PDGFD: variants seen among roughly 807,000 people sequenced by gnomAD.
The protein encoded by PDGFD is platelet derived growth factor D.
Under a neutral mutation model 44.7 loss-of-function variants are expected in PDGFD, and 30 were observed. The ratio of observed to expected loss-of-function variants is 0.67; its 90% CI spans 0.50 to 0.91. The LOEUF is 0.91. Among genes scored for constraint, PDGFD ranks in the 40% least tolerant of loss-of-function variants. The probability of loss-of-function intolerance (pLI) is 0.00; values close to 1 mark genes in which losing one functional copy is unlikely to be tolerated. For synonymous variants in PDGFD, 173 were observed against 168.4 expected (o/e 1.03, Z -0.21); for missense variants, 445 against 457.8 (o/e 0.97, Z 0.25).
At chr11:104,117,257 A>T (rs138871615) in intron 1 of PDGFD, among the ~76,000 whole-genome samples, 2 of 152,194 alleles carry the variant, frequency 1.3e-5, no homozygotes, top group Non-Finnish European at 2.9e-5. Context: ...TATTTATGAC[A>T]AACCCACAGT....
chr11:103,937,527 GT>G (rs886261546), intron 5 of PDGFD, among the ~76,000 whole-genome samples: 5 of 151,724 alleles, frequency 3.3e-5, no homozygotes, highest in Admixed American at 1.3e-4. Flanking sequence ...ATAGGTATAT[GT>G]TTTTTCTGTT....
intron 3 of PDGFD, among the ~76,000 whole-genome samples, chr11:103,957,253 A>G (rs1858865322): frequency 6.6e-6 from 1 of 152,152 alleles, no homozygotes; most frequent in Non-Finnish European, 1.5e-5. Flanking sequence ...TAAGGAAGGG[A>G]TCCAGTTGAA....
chr11:103,999,631 T>A (rs879658853), intron 2 of PDGFD, among the ~76,000 whole-genome samples: 1 of 152,174 alleles, frequency 6.6e-6, no homozygotes, highest in African/African-American at 2.4e-5. Flanking sequence ...TAATTCATTA[T>A]GGGTAGGAAG....
At chr11:104,149,496 A>G (rs1317369761) in intron 1 of PDGFD, among the ~76,000 whole-genome samples, 1 of 152,204 alleles carries the variant, frequency 6.6e-6, no homozygotes, top group East Asian at 1.9e-4. Flanking sequence ...CAGTGTTAGT[A>G]GTGGTAGGTT....
At chr11:104,125,589 T>C (rs1861831141) in intron 1 of PDGFD, among the ~76,000 whole-genome samples, 1 of 152,114 alleles carries the variant, frequency 6.6e-6, no homozygotes, top group African/African-American at 2.4e-5. Context: ...TACTCAGACC[T>C]AGGTTCAAAT....
At chr11:104,138,706 T>C (rs550284221) in intron 1 of PDGFD, among the ~76,000 whole-genome samples, 45 of 152,304 alleles carry the variant, frequency 3.0e-4, no homozygotes, top group African/African-American at 1.1e-3. Context: ...GGTCCAAATA[T>C]ATCAACTCCA....
At chr11:103,966,029 T>C (rs1221350882) in intron 3 of PDGFD, among the ~76,000 whole-genome samples, 1 of 152,204 alleles carries the variant, frequency 6.6e-6, no homozygotes, top group Non-Finnish European at 1.5e-5. Context: ...AAAAGGAGAC[T>C]TATTTCATAA....
At chr11:104,120,200 T>C (rs1861751894) in intron 1 of PDGFD, among the ~76,000 whole-genome samples, 1 of 151,468 alleles carries the variant, frequency 6.6e-6, no homozygotes, top group African/African-American at 2.4e-5. Flanking sequence ...GCCCCTTACA[T>C]TGCCACTATC....
chr11:103,952,987 C>T (rs1467539527), intron 3 of PDGFD, among the ~76,000 whole-genome samples: 1 of 152,080 alleles, frequency 6.6e-6, no homozygotes, highest in African/African-American at 2.4e-5. Flanking sequence ...GTGTTACAGA[C>T]TCGAAAGTTA....
intron 1 of PDGFD, among the ~76,000 whole-genome samples, chr11:104,039,415 A>C (rs1860309883): frequency 6.6e-6 from 1 of 152,226 alleles, no homozygotes; most frequent in Middle Eastern, 3.4e-3. Flanking sequence ...ATACAGAAAA[A>C]AATAACTCTC....
chr11:104,028,191 G>GAAAAA (rs36060540), intron 1 of PDGFD, among the ~76,000 whole-genome samples: 11 of 116,144 alleles, frequency 9.5e-5, no homozygotes, highest in South Asian at 2.7e-4. Flanking sequence ...CTCCGTCAAA[G>GAAAAA]AAAAAAAAAA....
At chr11:104,107,138 T>C (rs148076367) in intron 1 of PDGFD, among the ~76,000 whole-genome samples, 278 of 152,258 alleles carry the variant, frequency 1.8e-3, no homozygotes, top group African/African-American at 6.0e-3. Context: ...AACATTGTGA[T>C]GTAATTAAAG....
At chr11:104,149,264 G>C (rs1372928875) in intron 1 of PDGFD, among the ~76,000 whole-genome samples, 2 of 152,120 alleles carry the variant, frequency 1.3e-5, no homozygotes, top group Non-Finnish European at 2.9e-5. Flanking sequence ...AGGATGTATA[G>C]AGAAACCAAC....
chr11:103,991,297 C>G (rs1001737116), intron 3 of PDGFD, among the ~76,000 whole-genome samples: 1 of 151,932 alleles, frequency 6.6e-6, no homozygotes, highest in Admixed American at 6.6e-5. Context: ...TTTTTCAACC[C>G]CTGGGCTGTT....
chr11:104,015,414 A>G (rs1859846299), intron 1 of PDGFD, among the ~76,000 whole-genome samples: 1 of 152,204 alleles, frequency 6.6e-6, no homozygotes, highest in Non-Finnish European at 1.5e-5. Context: ...TTAATCTGAG[A>G]AAAAAGACCA....
chr11:103,941,938 G>A (rs1858590748), intron 5 of PDGFD, among the ~76,000 whole-genome samples: 1 of 151,992 alleles, frequency 6.6e-6, no homozygotes, highest in African/African-American at 2.4e-5. Context: ...ATGTCTTACA[G>A]AAAAGCAATT....
chr11:104,031,072 T>C (rs748376297), intron 1 of PDGFD, among the ~76,000 whole-genome samples: 2 of 152,194 alleles, frequency 1.3e-5, no homozygotes, highest in Non-Finnish European at 2.9e-5. Context: ...ATTTGGGACA[T>C]GGGCATGGAC....
At chr11:103,976,433 G>A (rs12417460) in intron 3 of PDGFD, among the ~76,000 whole-genome samples, 37,419 of 152,018 alleles carry the variant, frequency 0.25, 5,546 homozygotes, top group Admixed American at 0.42. Context: ...TTTGGGCTGA[G>A]ACGATGGGGT....
chr11:104,069,992 T>G (rs1860850479), intron 1 of PDGFD, among the ~76,000 whole-genome samples: 1 of 152,194 alleles, frequency 6.6e-6, no homozygotes, highest in Non-Finnish European at 1.5e-5. Context: ...TCATAATTGT[T>G]GATATTCTCC....
Sources: gnomAD v4.1 joint callset for allele counts (sites outside exome capture counted in the v4.1 genomes callset) on GRCh38, gnomAD v4.1.1 for gene constraint, MANE v1.5 for transcripts, NCBI Gene and HGNC (gene_info 2026-07-23, HGNC 2026-07-21) for gene names.